OPCML: variants seen among roughly 807,000 people sequenced by gnomAD.
OPCML encodes the protein opioid binding protein/cell adhesion molecule like, also known as opioid-binding protein/cell adhesion molecule.
A neutral mutation model predicts 37.8 loss-of-function variants in OPCML; 13 were observed. The observed-to-expected ratio is 0.34, with a 90% confidence interval of 0.22 to 0.55. The LOEUF is 0.55. Among genes scored for constraint, OPCML ranks in the 20% least tolerant of loss-of-function variants. The pLI, the probability that OPCML is intolerant of heterozygous loss-of-function variation, is 0.91. For missense variants in OPCML, 341 were observed against 435.6 expected (o/e 0.78, Z 1.93); for synonymous variants, 176 against 168.8 (o/e 1.04, Z -0.33).
chr11:133,258,271 C>G (rs1260841826), intron 1 of OPCML, among the ~76,000 whole-genome samples: 1 of 152,128 alleles, frequency 6.6e-6, no homozygotes, highest in Non-Finnish European at 1.5e-5. Context: ...TATAGAGTGG[C>G]AAAGATCTTT....
intron 1 of OPCML, among the ~76,000 whole-genome samples, chr11:133,465,540 G>A (rs1193484412): frequency 6.6e-6 from 1 of 152,130 alleles, no homozygotes; most frequent in South Asian, 2.1e-4. Flanking sequence ...AGAATCTGGG[G>A]TTATGACAAT....
At chr11:132,856,085 G>C (rs1286331320) in intron 2 of OPCML, among the ~76,000 whole-genome samples, 1 of 152,166 alleles carries the variant, frequency 6.6e-6, no homozygotes, top group Non-Finnish European at 1.5e-5. Context: ...CAATACAATA[G>C]ACCTAACAGT....
chr11:133,051,124 G>A (rs1467605528), intron 1 of OPCML, among the ~76,000 whole-genome samples: 1 of 151,468 alleles, frequency 6.6e-6, no homozygotes, highest in Non-Finnish European at 1.5e-5. Flanking sequence ...TCAGACCAAA[G>A]CTCATAACTT....
chr11:133,158,187 A>C (rs1389835809), intron 1 of OPCML, among the ~76,000 whole-genome samples: 1 of 152,110 alleles, frequency 6.6e-6, no homozygotes, highest in Non-Finnish European at 1.5e-5. Flanking sequence ...CGTTCTACGC[A>C]CTCAGTTCTA....
chr11:133,155,885 T>C (rs1048624161), intron 1 of OPCML, among the ~76,000 whole-genome samples: 3 of 152,092 alleles, frequency 2.0e-5, no homozygotes, highest in East Asian at 1.9e-4. Context: ...TCACCACCCA[T>C]ATCCAAACTA....
rs533292398 is a variant in OPCML, at chr11:132,436,000, C to A, written c.916+86G>T. 1.7e-4 allele frequency: 244 copies of A among 1,420,550 alleles called. No individual in the cohort carries two copies. The African/African-American group carries it at 3.2e-3, about 19-fold the overall frequency. 88.0% of individuals were successfully genotyped at this position (1,420,550 alleles called of 1,614,324 possible). A position where few individuals can be genotyped will look rare whatever the true frequency, so the allele number is the denominator to read the frequency against. On this transcript the variant is annotated intron_variant, in intron 7 of 7. Transcript: ENST00000524381. ...TTGAGTAGGATGGATGGACACAGGCCAAGCAGATTGCAACTTCCTCCCTCC... is the reference window on the plus strand; with the variant it reads ...TTGAGTAGGATGGATGGACACAGGCAAAGCAGATTGCAACTTCCTCCCTCC...
rs1391083314 is a variant in OPCML at position 133,082,929 on chromosome 11, G to A, written c.62-139919C>T. ...CCGCCGCAAGGGGGCGCCAGGGGCC[G>A]GGGCGGACGTCGCGCCAGTGCCTCG... On this transcript the variant is annotated intron_variant, in intron 1 of 7. Transcript: ENST00000524381. 4.6e-5 allele frequency among the ~76,000 whole-genome samples: 7 copies of A among 150,542 alleles called. No homozygotes were observed. The East Asian group carries it at 1.0e-3, about 22-fold the overall frequency.
rs1555167938 is a variant in OPCML at position 132,638,184 on chromosome 11, T to TATAC, written c.379+18899_379+18902dup. Among the ~76,000 whole-genome samples, 16 of 126,894 alleles carry TATAC rather than the reference T, an allele frequency of 1.3e-4. 1 individual carries two copies. The highest frequency in any genetic ancestry group is 4.5e-4 in the African/African-American group (15 of 33,594). The allele number at this position is 126,894 out of a possible 152,430, so 83.2% of individuals were successfully genotyped here. ...CAGACTATATATATATATATATATA[T>TATAC]ATACAGAGAGAGAGAGAGCATATAT... On this transcript the variant is annotated intron_variant, in intron 3 of 7. Transcript: ENST00000524381.
chr11:133,263,837 C>T (rs959993500), intron 1 of OPCML, among the ~76,000 whole-genome samples: 2 of 152,168 alleles, frequency 1.3e-5, no homozygotes, highest in Admixed American at 1.3e-4. Flanking sequence ...CTCCAAAAAT[C>T]TGCCATGTAT....
chr11:132,712,274 C>CGTGGAG (rs1244138672), intron 2 of OPCML, among the ~76,000 whole-genome samples: 27 of 152,084 alleles, frequency 1.8e-4, no homozygotes, highest in African/African-American at 6.3e-4. Context: ...TTCTCAAAAC[C>CGTGGAG]CATAAAATGC....
In OPCML at chr11:133,517,854, A is replaced by C. The variant is rs865813358; in HGVS notation, c.61+14410T>G. Among the ~76,000 whole-genome samples the C allele has an allele frequency of 3.3e-5, 5 of 152,302 alleles. No homozygotes were observed. In the South Asian group the frequency reaches 1.0e-3, roughly 32 times the overall value. On this transcript the variant is annotated intron_variant, in intron 1 of 7. Coordinates refer to ENST00000524381, the MANE Select transcript of OPCML (RefSeq NM_001012393.5). Reference sequence around the variant, plus strand: ...GCTCTTTCAGGGGGTACTCGTGACCACTGTGTGTGCAGAGTGGGAACAGTC... The same window carrying C: ...GCTCTTTCAGGGGGTACTCGTGACCCCTGTGTGTGCAGAGTGGGAACAGTC...
intron 2 of OPCML, among the ~76,000 whole-genome samples, chr11:132,779,529 A>G (rs1217025282): frequency 1.4e-5 from 2 of 144,122 alleles, no homozygotes; most frequent in Non-Finnish European, 3.0e-5. Flanking sequence ...ATATTTTTCA[A>G]GTTGTGAGTG....
chr11:133,359,584 A>G (rs1311542150), intron 1 of OPCML, among the ~76,000 whole-genome samples: 1 of 152,234 alleles, frequency 6.6e-6, no homozygotes, highest in African/African-American at 2.4e-5. Flanking sequence ...AAAACAGAGG[A>G]TCAGATACAT....
At chr11:133,387,790 A>G (rs992291833) in intron 1 of OPCML, among the ~76,000 whole-genome samples, 2 of 152,260 alleles carry the variant, frequency 1.3e-5, no homozygotes, top group African/African-American at 4.8e-5. Flanking sequence ...AGACACAGTG[A>G]TAGATGTTGT....
intron 2 of OPCML, among the ~76,000 whole-genome samples, chr11:132,827,853 G>A (rs1334070579): frequency 6.7e-6 from 1 of 149,622 alleles, no homozygotes; most frequent in East Asian, 1.9e-4. Flanking sequence ...ACCATGTTTT[G>A]ATCTCCTGAC....
At chr11:132,459,536 C>CAT (rs1209020777) in intron 4 of OPCML, among the ~76,000 whole-genome samples, 15 of 146,546 alleles carry the variant, frequency 1.0e-4, no homozygotes, top group Admixed American at 2.8e-4. Context: ...CACACATATA[C>CAT]ATATATATAT....
At chr11:133,374,979 G>A (rs1349894520) in intron 1 of OPCML, among the ~76,000 whole-genome samples, 1 of 152,150 alleles carries the variant, frequency 6.6e-6, no homozygotes, top group Non-Finnish European at 1.5e-5. Context: ...TCTGACTAAG[G>A]AGTTAGTATG....
At chr11:133,105,977 A>T (rs1381631870) in intron 1 of OPCML, among the ~76,000 whole-genome samples, 2 of 119,472 alleles carry the variant, frequency 1.7e-5, no homozygotes, top group Non-Finnish European at 3.5e-5. Flanking sequence ...GCAAGACTCC[A>T]TCTTAAAAAT....
At chr11:132,487,868 T>G (rs888348857) in intron 4 of OPCML, among the ~76,000 whole-genome samples, 2 of 152,244 alleles carry the variant, frequency 1.3e-5, no homozygotes, top group Non-Finnish European at 2.9e-5. Context: ...AATATGCATT[T>G]TAGTTTTTCC....
Sources: allele counts gnomAD v4.1 joint callset (sites outside exome capture counted in the v4.1 genomes callset), GRCh38; gene constraint gnomAD v4.1.1; transcripts MANE v1.5; gene names NCBI Gene and HGNC (gene_info 2026-07-23, HGNC 2026-07-21).